The following CEMIP2 variants were observed in gnomAD, a reference collection of about 807,000 sequenced individuals.
CEMIP2 encodes the protein cell migration inducing hyaluronidase 2, also known as cell surface hyaluronidase CEMIP2.
Under a neutral mutation model 146.9 loss-of-function variants are expected in CEMIP2, and 79 were observed. That is an observed-to-expected ratio of 0.54 (90% CI 0.45 to 0.65). The LOEUF (loss-of-function observed/expected upper bound fraction) is 0.65, where lower values mean the gene tolerates loss of function less well. Ranked by LOEUF, CEMIP2 falls within the 30% of genes least tolerant of loss-of-function variation. The probability of loss-of-function intolerance (pLI) is 0.00; values close to 1 mark genes in which losing one functional copy is unlikely to be tolerated. For synonymous variants in CEMIP2, 601 were observed against 606.3 expected, an observed-to-expected ratio of 0.99 and a Z score of 0.13; for missense variants, 1,596 against 1,696.2, an observed-to-expected ratio of 0.94 and a Z score of 1.04.
chr9:71,690,082 C>G lies in CEMIP2; in HGVS notation c.3851+10G>C. The G allele has an allele frequency of 1.9e-6, 3 of 1,613,298 alleles. No individual in the cohort carries two copies. Among genetic ancestry groups the G allele is most frequent in the Non-Finnish European group, 2.5e-6 (3 of 1,179,382 alleles). On this transcript the variant is annotated intron_variant, in intron 22 of 23. Coordinates refer to ENST00000377044, the MANE Select transcript of CEMIP2 (RefSeq NM_013390.3). ...TGGCTTTTCCCTGTTACAGCACAAG[C>G]TTGACCTACCTTGGAGGGATGCCTG...
intron 9 of CEMIP2, 39 bp from the exon 10 acceptor site, chr9:71,729,953 TAAAAAC>T: frequency 6.2e-7 from 1 of 1,613,404 alleles, no homozygotes; most frequent in Non-Finnish European, 8.5e-7. Flanking sequence ...ACATTCTTCA[TAAAAAC>T]TCCTGCCCAC....
At chr9:71,760,450 A>C (rs948241625) in intron 1 of CEMIP2, among the ~76,000 whole-genome samples, 41 of 151,992 alleles carry the variant, frequency 2.7e-4, no homozygotes, top group African/African-American at 8.9e-4. Context: ...TTTAAAATTC[A>C]TTCCTATGTT....
At chr9:71,728,139 G>T (rs1307444437) in intron 10 of CEMIP2, among the ~76,000 whole-genome samples, 2 of 147,838 alleles carry the variant, frequency 1.4e-5, no homozygotes, top group Non-Finnish European at 3.0e-5. Flanking sequence ...GCTAAGGCAG[G>T]TGGATAGCTT....
In CEMIP2 at chr9:71,743,999, C is replaced by T. The variant is rs181450770; in HGVS notation, c.1034+1019G>A. The stretch of plus-strand genomic sequence containing the variant: ...TAAAAGCATTCAGCAGAATTAAAAG[C>T]TTCTGTCTTTTAAATGAAATGTTAG... On this transcript the variant is annotated intron_variant, in intron 4 of 23. Coordinates refer to ENST00000377044, the MANE Select transcript of CEMIP2 (RefSeq NM_013390.3). 4.6e-5 allele frequency among the ~76,000 whole-genome samples: 7 copies of T among 152,234 alleles called. No homozygotes were observed. The East Asian group carries it at 1.4e-3, about 29-fold the overall frequency.
At chr9:71,716,127 A>C (rs141484536) in intron 14 of CEMIP2, among the ~76,000 whole-genome samples, 330 of 152,262 alleles carry the variant, frequency 2.2e-3, no homozygotes, top group African/African-American at 7.5e-3. Flanking sequence ...CAGAACAAAA[A>C]GTTTAGTTCT....
intron 5 of CEMIP2, among the ~76,000 whole-genome samples, chr9:71,739,131 A>G (rs62549271): frequency 0.07 from 10,717 of 152,162 alleles, 534 homozygotes; most frequent in South Asian, 0.19. Context: ...TCTTACGATA[A>G]CTAGAACATA....
At chr9:71,746,878 C>T (rs975829638) in intron 2 of CEMIP2, among the ~76,000 whole-genome samples, 1 of 152,178 alleles carries the variant, frequency 6.6e-6, no homozygotes, top group African/African-American at 2.4e-5. Context: ...GCCATGTGCA[C>T]TCTCCCAACA....
chr9:71,707,119 T>C (rs1226283813), intron 17 of CEMIP2, among the ~76,000 whole-genome samples: 1 of 152,178 alleles, frequency 6.6e-6, no homozygotes, highest in Non-Finnish European at 1.5e-5. Context: ...TGAGCCACCA[T>C]GCCCGGCCTT....
chr9:71,769,001 C>G (rs529931475), upstream of CEMIP2: 26 of 152,298 alleles, frequency 1.7e-4, no homozygotes, highest in African/African-American at 6.0e-4. Context: ...CCCGCCGGCC[C>G]CGCTCCCCGC....
chr9:71,756,215 G>GA (rs1824439249), intron 1 of CEMIP2, among the ~76,000 whole-genome samples: 4 of 105,146 alleles, frequency 3.8e-5, no homozygotes, highest in Non-Finnish European at 6.5e-5. Context: ...AGATAGATAG[G>GA]CTATATATAT....
At chr9:71,743,516 A>C (rs1823985136) in intron 4 of CEMIP2, among the ~76,000 whole-genome samples, 1 of 152,230 alleles carries the variant, frequency 6.6e-6, no homozygotes, top group Non-Finnish European at 1.5e-5. Flanking sequence ...CACTGTCTAC[A>C]CAGCACGCTC....
chr9:71,715,355 C>CA (rs1483004797), intron 14 of CEMIP2, among the ~76,000 whole-genome samples: 1 of 150,594 alleles, frequency 6.6e-6, no homozygotes, highest in Non-Finnish European at 1.5e-5. Flanking sequence ...ACAATCCTCC[C>CA]ACCTCAGCCT....
At chr9:71,748,603 T>C (rs1824155580) in intron 2 of CEMIP2, among the ~76,000 whole-genome samples, 1 of 152,210 alleles carries the variant, frequency 6.6e-6, no homozygotes, top group African/African-American at 2.4e-5. Context: ...TTGGGAAGTA[T>C]GAATCAGCAC....
At chr9:71,712,011 T>G in intron 16 of CEMIP2, 72 bp downstream of exon 16, 2 of 1,529,120 alleles carry the variant, frequency 1.3e-6, no homozygotes, top group Non-Finnish European at 1.8e-6. Context: ...CTTTGCGTTT[T>G]TGTCTTTGGG....
intron 1 of CEMIP2, among the ~76,000 whole-genome samples, chr9:71,756,550 GAA>G (rs1182665420): frequency 1.3e-5 from 2 of 150,202 alleles, no homozygotes; most frequent in East Asian, 3.9e-4. Flanking sequence ...ACACACAAGA[GAA>G]AGAGAGACAG....
At chr9:71,724,820 T>C (rs1035913074) in intron 11 of CEMIP2, among the ~76,000 whole-genome samples, 1 of 152,110 alleles carries the variant, frequency 6.6e-6, no homozygotes, top group Non-Finnish European at 1.5e-5. Flanking sequence ...CCACTGTGAA[T>C]CAAAAAGAAG....
chr9:71,688,810 G>A (rs1409050570), intron 22 of CEMIP2, among the ~76,000 whole-genome samples: 1 of 152,068 alleles, frequency 6.6e-6, no homozygotes, highest in African/African-American at 2.4e-5. Context: ...TCATTTACAG[G>A]TCACCCCGCA....
At chr9:71,766,370 G>A (rs917650821) in intron 1 of CEMIP2, among the ~76,000 whole-genome samples, 5 of 152,122 alleles carry the variant, frequency 3.3e-5, no homozygotes, top group African/African-American at 9.7e-5. Context: ...AATTGTGCCC[G>A]GCCTAAGTTT....
intron 17 of CEMIP2, among the ~76,000 whole-genome samples, chr9:71,708,038 C>A (rs917039626): frequency 5.3e-5 from 8 of 152,072 alleles, no homozygotes; most frequent in African/African-American, 1.9e-4. Flanking sequence ...TACAAAAAAA[C>A]TAGCCGGGCA....
Sources: allele counts gnomAD v4.1 joint callset (sites outside exome capture counted in the v4.1 genomes callset), GRCh38; gene constraint gnomAD v4.1.1; transcripts MANE v1.5; gene names NCBI Gene and HGNC (gene_info 2026-07-23, HGNC 2026-07-21).